GPC5: variants seen among roughly 807,000 people sequenced by gnomAD.
GPC5 encodes glypican 5.
GPC5 carries 47 observed loss-of-function variants against 53.9 expected under a neutral mutation model. The ratio of observed to expected loss-of-function variants is 0.87; its 90% confidence interval spans 0.69 to 1.11. The LOEUF (loss-of-function observed/expected upper bound fraction) is 1.11, where lower values mean the gene tolerates loss of function less well. Among genes scored for constraint, GPC5 ranks in the 50% most tolerant of loss-of-function variants. The pLI, the probability that GPC5 is intolerant of heterozygous loss-of-function variation, is 0.00. For synonymous variants in GPC5, 286 were observed against 263.3 expected (o/e 1.09, Z -0.84); for missense variants, 748 against 713.1 (o/e 1.05, Z -0.56).
chr13:91,810,149 C>A (rs1505564), intron 5 of GPC5, among the ~76,000 whole-genome samples: 1 of 151,566 alleles, frequency 6.6e-6, no homozygotes, highest in East Asian at 1.9e-4. Flanking sequence ...TTAATTAGTG[C>A]GATATCAGAA....
At chr13:92,666,469 G>C (rs77680606) in intron 7 of GPC5, among the ~76,000 whole-genome samples, 36,083 of 151,778 alleles carry the variant, frequency 0.24, 4,959 homozygotes, top group South Asian at 0.39. Context: ...CATGTTTTTT[G>C]TTCTAATTAA....
At chr13:92,094,065 C>CA (rs1211576015) in intron 6 of GPC5, among the ~76,000 whole-genome samples, 3 of 151,924 alleles carry the variant, frequency 2.0e-5, no homozygotes, top group Admixed American at 6.6e-5. Flanking sequence ...ATATTGGGGT[C>CA]AAAAAACTGA....
intron 7 of GPC5, among the ~76,000 whole-genome samples, chr13:92,275,712 A>G (rs2042870689): frequency 6.6e-6 from 1 of 152,162 alleles, no homozygotes; most frequent in Admixed American, 6.6e-5. Context: ...CTTGCCGAAT[A>G]TATAGTACCT....
At chr13:91,521,908 A>C (rs1415586116) in intron 2 of GPC5, among the ~76,000 whole-genome samples, 1 of 152,204 alleles carries the variant, frequency 6.6e-6, no homozygotes, top group Admixed American at 6.5e-5. Context: ...CCACTGCCCT[A>C]CTTGGGTTCG....
At chr13:92,293,745 G>C (rs753808800) in intron 7 of GPC5, among the ~76,000 whole-genome samples, 5 of 152,112 alleles carry the variant, frequency 3.3e-5, no homozygotes, top group Non-Finnish European at 7.4e-5. Flanking sequence ...GGAGTGGTGA[G>C]AGTGGGCATC....
intron 7 of GPC5, among the ~76,000 whole-genome samples, chr13:92,335,544 T>C (rs1341994855): frequency 6.6e-6 from 1 of 152,204 alleles, no homozygotes; most frequent in Non-Finnish European, 1.5e-5. Flanking sequence ...TGCAGCTCGC[T>C]TGAATTTCTC....
At chr13:91,893,960 G>GT (rs1311085996) in intron 5 of GPC5, among the ~76,000 whole-genome samples, 2 of 139,938 alleles carry the variant, frequency 1.4e-5, no homozygotes, top group Non-Finnish European at 3.1e-5. Flanking sequence ...TTTTTTTCCA[G>GT]TTTTTTTCTG....
chr13:92,374,856 A>T (rs1169147306), intron 7 of GPC5, among the ~76,000 whole-genome samples: 1 of 51,388 alleles, frequency 1.9e-5, no homozygotes, highest in East Asian at 8.8e-4. Context: ...AGTATAATAA[A>T]AAAAAAAAAA....
intron 2 of GPC5, 109 bp downstream of exon 2, chr13:91,449,031 T>C (rs1594104280): frequency 8.3e-7 from 1 of 1,207,256 alleles, no homozygotes; most frequent in African/African-American, 1.5e-5. Flanking sequence ...ATTTACATAA[T>C]ATTCGGGTAT....
chr13:92,558,484 G>A (rs533948123), intron 7 of GPC5, among the ~76,000 whole-genome samples: 1 of 152,072 alleles, frequency 6.6e-6, no homozygotes, highest in South Asian at 2.1e-4. Flanking sequence ...AGTTATTATA[G>A]TCAAAATGAT....
At chr13:91,432,207 G>GTGTGTGTA (rs1879521475) in intron 1 of GPC5, among the ~76,000 whole-genome samples, 90 of 121,632 alleles carry the variant, frequency 7.4e-4, no homozygotes, top group African/African-American at 3.0e-3. Context: ...CTGCTGCTGT[G>GTGTGTGTA]TGTGTGTGTG....
chr13:92,119,969 TG>T (rs2041635539), intron 6 of GPC5, among the ~76,000 whole-genome samples: 1 of 152,162 alleles, frequency 6.6e-6, no homozygotes, highest in African/African-American at 2.4e-5. Context: ...GGAGTGGTCA[TG>T]ATATAATCAG....
At chr13:91,584,599 A>G (rs1270862932) in intron 2 of GPC5, among the ~76,000 whole-genome samples, 2 of 151,200 alleles carry the variant, frequency 1.3e-5, no homozygotes, top group Non-Finnish European at 2.9e-5. Context: ...TTTTTTTCAT[A>G]CAGAGTTTTG....
intron 2 of GPC5, among the ~76,000 whole-genome samples, chr13:91,655,487 T>C (rs2034823433): frequency 6.6e-6 from 1 of 152,000 alleles, no homozygotes; most frequent in South Asian, 2.1e-4. Flanking sequence ...AAAAATAAGC[T>C]TAAATCATAA....
chr13:92,069,864 T>C (rs1295589092), intron 6 of GPC5, among the ~76,000 whole-genome samples: 1 of 152,150 alleles, frequency 6.6e-6, no homozygotes, highest in East Asian at 1.9e-4. Flanking sequence ...ATTTATACTC[T>C]AAGTAAATGT....
At chr13:92,843,094 C>G (rs1408023163) in intron 7 of GPC5, among the ~76,000 whole-genome samples, 1 of 152,146 alleles carries the variant, frequency 6.6e-6, no homozygotes, top group Non-Finnish European at 1.5e-5. Context: ...TTTTCAATAA[C>G]TGAAGCAAAA....
chr13:92,273,486 C>T (rs778701828), intron 7 of GPC5, among the ~76,000 whole-genome samples: 8 of 151,742 alleles, frequency 5.3e-5, no homozygotes, highest in Non-Finnish European at 8.8e-5. Context: ...AGTGTTTGTT[C>T]TAATAATAAG....
At chr13:92,418,610 A>G (rs1876424352) in intron 7 of GPC5, among the ~76,000 whole-genome samples, 1 of 152,192 alleles carries the variant, frequency 6.6e-6, no homozygotes, top group African/African-American at 2.4e-5. Context: ...GTTATAATAT[A>G]TGCTCATAAA....
In GPC5 at chr13:91,548,667, A is replaced by T. The variant is rs9589289; in HGVS notation, c.325+99745A>T. 8.5e-3 allele frequency among the ~76,000 whole-genome samples: 1,298 copies of T among 152,294 alleles called. 17 individuals carry two copies. The highest frequency in any genetic ancestry group is 0.03 in the African/African-American group (1,258 of 41,574). ...GTCAACACAATATTGAAGGAGAAGA[A>T]CGAAGTTGGAGGACTGACACTACCT... On this transcript the variant is annotated intron_variant, in intron 2 of 7. Coordinates refer to ENST00000377067, the MANE Select transcript of GPC5 (RefSeq NM_004466.6).
Sources: gnomAD v4.1 joint callset for allele counts (sites outside exome capture counted in the v4.1 genomes callset) on GRCh38, gnomAD v4.1.1 for gene constraint, MANE v1.5 for transcripts, NCBI Gene and HGNC (gene_info 2026-07-23, HGNC 2026-07-21) for gene names.